The following ODF2L variants were observed in gnomAD, a reference collection of about 807,000 sequenced individuals.
ODF2L encodes the protein protein BCAP.
A neutral mutation model predicts 86.3 loss-of-function variants in ODF2L; 76 were observed. The observed-to-expected ratio is 0.88, with a 90% confidence interval of 0.73 to 1.07. The LOEUF (loss-of-function observed/expected upper bound fraction) is 1.07. Among genes scored for constraint, ODF2L ranks in the 50% least tolerant of loss-of-function variants. The pLI, the probability that ODF2L is intolerant of heterozygous loss-of-function variation, is 0.00. For missense variants in ODF2L, 748 were observed against 717.4 expected (o/e 1.04, Z -0.49); for synonymous variants, 241 against 231.3 (o/e 1.04, Z -0.38).
chr1:86,363,797 G>A (rs1478937286), intron 11 of ODF2L, among the ~76,000 whole-genome samples: 3 of 151,672 alleles, frequency 2.0e-5, no homozygotes, highest in Non-Finnish European at 4.4e-5. Flanking sequence ...CTTTCTATTA[G>A]AAACAAATAC....
intron 17 of ODF2L, 104 bp downstream of exon 16, chr1:86,352,752 ATAT>A (rs1209340329): frequency 3.1e-6 from 2 of 644,728 alleles, no homozygotes; most frequent in African/African-American, 3.8e-5. Context: ...GTTATTTTTA[ATAT>A]TATCAGTAAA....
chr1:86,363,843 T>A (rs1659213859), intron 11 of ODF2L, among the ~76,000 whole-genome samples: 2 of 152,212 alleles, frequency 1.3e-5, no homozygotes, highest in South Asian at 4.1e-4. Context: ...TTCTGTTGTG[T>A]TTAATAGAGG....
At chr1:86,379,975 A>C (rs1660451899) in intron 7 of ODF2L, among the ~76,000 whole-genome samples, 1 of 152,194 alleles carries the variant, frequency 6.6e-6, no homozygotes, top group Non-Finnish European at 1.5e-5. Context: ...AGATGCTTTT[A>C]TTTCAAATTA....
intron 13 of ODF2L, 32 bp downstream of exon 12, chr1:86,358,754 TA>T: frequency 1.1e-6 from 1 of 896,228 alleles, no homozygotes; most frequent in Non-Finnish European, 1.7e-6. Flanking sequence ...AAAAAATATA[TA>T]AAATATTATT....
At chr1:86,358,141 T>G in intron 13 of ODF2L, 1 of 967,104 alleles carries the variant, frequency 1.0e-6, no homozygotes, top group Non-Finnish European at 1.2e-6. Flanking sequence ...AGTAACCTTA[T>G]TAGATTCAGA....
chr1:86,383,685 AG>A (rs1389992966), intron 4 of ODF2L, among the ~76,000 whole-genome samples: 1 of 151,802 alleles, frequency 6.6e-6, no homozygotes, highest in African/African-American at 2.4e-5. Flanking sequence ...AATGTGAAAA[AG>A]CTATCAATTC....
At chr1:86,373,601 C>T (rs546490314) in intron 8 of ODF2L, among the ~76,000 whole-genome samples, 15 of 151,380 alleles carry the variant, frequency 9.9e-5, no homozygotes, top group African/African-American at 3.2e-4. Flanking sequence ...TGTTATGTTG[C>T]CCAGGCTGGT....
chr1:86,389,262 G>A (rs1050296139), intron 1 of ODF2L, among the ~76,000 whole-genome samples: 8 of 151,956 alleles, frequency 5.3e-5, no homozygotes, highest in Non-Finnish European at 7.4e-5. Flanking sequence ...GTCAGTGTTG[G>A]GTGCAACAAA....
chr1:86,374,071 C>CA (rs1353184392), intron 8 of ODF2L, among the ~76,000 whole-genome samples: 5 of 152,168 alleles, frequency 3.3e-5, no homozygotes, highest in African/African-American at 1.2e-4. Context: ...AATTACAAAT[C>CA]AAAAAGCTTA....
chr1:86,376,198 G>T, intron 8 of ODF2L, 35 bp downstream of exon 8: 2 of 1,204,116 alleles, frequency 1.7e-6, no homozygotes, highest in Non-Finnish European at 1.2e-6. Context: ...GTACATAATA[G>T]ATCTTTTAAT....
intron 11 of ODF2L, chr1:86,368,518 A>T: frequency 1.1e-6 from 1 of 933,868 alleles, no homozygotes; most frequent in Non-Finnish European, 1.4e-6. Context: ...GTTACAAATT[A>T]AAACCATAGA....
intron 10 of ODF2L, among the ~76,000 whole-genome samples, chr1:86,370,407 G>C (rs1307609438): frequency 6.6e-6 from 1 of 151,946 alleles, no homozygotes; most frequent in African/African-American, 2.4e-5. Context: ...TATTTATCCT[G>C]TGCACATAAA....
chr1:86,365,876 C>T (rs1659371719), intron 11 of ODF2L, among the ~76,000 whole-genome samples: 1 of 152,036 alleles, frequency 6.6e-6, no homozygotes, highest in Non-Finnish European at 1.5e-5. Flanking sequence ...CTACCACTAC[C>T]CTCCACCCCC....
intron 1 of ODF2L, among the ~76,000 whole-genome samples, chr1:86,392,814 T>C (rs1661423863): frequency 6.6e-6 from 1 of 152,124 alleles, no homozygotes; most frequent in Admixed American, 6.5e-5. Flanking sequence ...CCTATGGAAA[T>C]AAAAAATTTT....
rs771224704 is a variant in ODF2L at position 86,371,029 on chromosome 1, T to C, written c.1045A>G (p.Thr349Ala). 42 of 1,569,340 alleles carry C rather than the reference T, an allele frequency of 2.7e-5. No individual in the cohort carries two copies. Among genetic ancestry groups the C allele is most frequent in the Middle Eastern group, 3.4e-4 (2 of 5,904 alleles). Residue 349 changes from threonine to alanine, a missense_variant, in exon 10 of 18, where the codon ACA becomes GCA. By Grantham distance (58) the Thr-to-Ala change is moderately conservative. Transcript: ENST00000317336. ...CTCATACATAGTACCTTTAATTTTGTATTCTCAAGATTCAGAGTTTCATTT... is the reference window on the plus strand; with the variant it reads ...CTCATACATAGTACCTTTAATTTTGCATTCTCAAGATTCAGAGTTTCATTT...
At chr1:86,368,720 A>C in exon 11 of ODF2L, 1 of 1,445,786 alleles carries the variant, frequency 6.9e-7, no homozygotes, top group Non-Finnish European at 9.2e-7. Flanking sequence ...ATGGGAATCT[A>C]AGCTAAAGAC....
At chr1:86,348,685 T>A (rs113732309), downstream of ODF2L, 12,832 of 1,263,822 alleles carry the variant, frequency 0.01, 100 homozygotes, top group South Asian at 0.02. Flanking sequence ...TATTTATTTT[T>A]TTACCCAATC....
chr1:86,358,883 CT>C lies in ODF2L; in HGVS notation c.1262del (p.Lys421SerfsTer8). The C allele has an allele frequency of 6.7e-7, 1 of 1,488,412 alleles. No homozygotes were observed. The highest frequency in any genetic ancestry group is 1.3e-5 in the South Asian group (1 of 74,328). 92.2% of individuals were successfully genotyped at this position (1,488,412 alleles called of 1,614,324 possible). On this transcript the variant is annotated frameshift_variant, in exon 13 of 18. Coordinates refer to ENST00000317336, the Ensembl canonical transcript of ODF2L. LOFTEE classifies it high-confidence loss of function. ...TTACTATTTCAGCTGCTTCTTGCAA[CT>C]TTTGTACCTGAAAATAAAGTATTAG...
chr1:86,376,465 T>A, intron 7 of ODF2L, 47 bp from the exon 8 acceptor site: 1 of 1,214,402 alleles, frequency 8.2e-7, no homozygotes, highest in Admixed American at 2.2e-5. Flanking sequence ...AACTCCAATG[T>A]TTATGTAAAC....
Sources: allele counts gnomAD v4.1 joint callset (sites outside exome capture counted in the v4.1 genomes callset), GRCh38; gene constraint gnomAD v4.1.1; transcripts MANE v1.5; gene names NCBI Gene and HGNC (gene_info 2026-07-23, HGNC 2026-07-21).